Variants in ADAM32 observed in about 807,000 individuals in gnomAD.
ADAM32 encodes disintegrin and metalloproteinase domain-containing protein 32.
In ADAM32, 89 loss-of-function variants were observed where a neutral mutation model predicts 114.9. The observed-to-expected ratio is 0.77, with a 90% CI of 0.65 to 0.92. ADAM32 has a LOEUF of 0.92. ADAM32 is among the 40% of genes least tolerant of loss of function. The pLI is 0.00. For missense variants in ADAM32, 870 were observed against 932.8 expected (o/e 0.93, Z 0.88); for synonymous variants, 285 against 307.5 (o/e 0.93, Z 0.77).
At position 39,107,830 on chromosome 8, in the gene ADAM32, C is replaced by G; in HGVS notation, c.55C>G (p.Pro19Ala). 6.5e-7 allele frequency: 1 copy of G among 1,545,198 alleles called. No individual in the cohort carries two copies. The highest frequency in any genetic ancestry group is 8.7e-7 in the Non-Finnish European group (1 of 1,144,380). The part of the protein sequence containing the change: ...AGLCGLLASR[P>A]GFQNSLLQIV... ...GCTCTGCGGCCTCCTGGCGTCAAGA[C>G]CCGGTGAGCCAGCCCAGACCCTGAC... The change falls in exon 1 of 25, where the codon CCC (proline) becomes GCC (alanine). Residue 19 changes from proline (P) to alanine (A), a missense_variant. Pro to Ala is a conservative substitution (Grantham distance 27). Transcript: ENST00000379907.
rs75269426 is a variant in ADAM32, at chr8:39,194,423, C to T, written c.1052+7378C>T. Among the ~76,000 whole-genome samples the T allele has an allele frequency of 5.1e-3, 777 of 152,040 alleles. 1 individual carries two copies. Among genetic ancestry groups the T allele is most frequent in the Non-Finnish European group, 6.6e-3 (449 of 67,974 alleles). On this transcript the variant is annotated intron_variant, in intron 11 of 24. Coordinates refer to ENST00000379907, the MANE Select transcript of ADAM32 (RefSeq NM_145004.7). ...TTTTGGCAGGGTGCACCTGAACTGA[C>T]GGGGAAGGGGAGGCAAGGTTCTCCT...
chr8:39,128,717 T>C (rs1366267186), intron 2 of ADAM32, among the ~76,000 whole-genome samples: 1 of 152,168 alleles, frequency 6.6e-6, no homozygotes, highest in Non-Finnish European at 1.5e-5. Flanking sequence ...CTGGTGGTGA[T>C]GATTTCCCTC....
At chr8:39,146,679 G>A (rs1803526285) in intron 3 of ADAM32, among the ~76,000 whole-genome samples, 1 of 152,138 alleles carries the variant, frequency 6.6e-6, no homozygotes, top group African/African-American at 2.4e-5. Context: ...CCAAAGTGTT[G>A]GGATTACAGG....
intron 6 of ADAM32, among the ~76,000 whole-genome samples, chr8:39,154,044 A>ATATATATATG (rs1195797266): frequency 2.0e-5 from 3 of 149,116 alleles, no homozygotes; most frequent in African/African-American, 7.3e-5. Context: ...ATATATATAT[A>ATATATATATG]TATATGTAAT....
At chr8:39,192,986 A>G (rs118170519) in intron 11 of ADAM32, among the ~76,000 whole-genome samples, 5 of 152,138 alleles carry the variant, frequency 3.3e-5, no homozygotes, top group East Asian at 1.9e-4. Context: ...TGTGATGACT[A>G]TGTGTCTTGG....
chr8:39,221,254 G>A (rs1808939673), intron 12 of ADAM32: 1 of 165,606 alleles, frequency 6.0e-6, no homozygotes, highest in South Asian at 1.7e-4. Context: ...CCATGTGCAT[G>A]TAATATATTT....
At chr8:39,135,016 G>A (rs770320885) in intron 2 of ADAM32, among the ~76,000 whole-genome samples, 2 of 152,136 alleles carry the variant, frequency 1.3e-5, no homozygotes, top group African/African-American at 4.8e-5. Flanking sequence ...TTAGCCAGGC[G>A]TGGTGGCGCA....
intron 18 of ADAM32, among the ~76,000 whole-genome samples, chr8:39,256,642 G>C (rs1186809388): frequency 1.3e-5 from 2 of 152,004 alleles, no homozygotes; most frequent in Non-Finnish European, 2.9e-5. Flanking sequence ...GGAGTTTAGA[G>C]AATATGTTTA....
At chr8:39,150,129 C>G (rs1440495442) in intron 5 of ADAM32, among the ~76,000 whole-genome samples, 1 of 152,108 alleles carries the variant, frequency 6.6e-6, no homozygotes, top group Non-Finnish European at 1.5e-5. Context: ...ACAGAAAAGA[C>G]AATTGAACAT....
At chr8:39,196,797 C>CT (rs924935572) in intron 11 of ADAM32, among the ~76,000 whole-genome samples, 53 of 150,856 alleles carry the variant, frequency 3.5e-4, no homozygotes, top group Admixed American at 1.3e-3. Flanking sequence ...CTGTAGTTTT[C>CT]TTTTTTTTTG....
chr8:39,249,725 G>A (rs1434414314), intron 17 of ADAM32, among the ~76,000 whole-genome samples: 1 of 152,030 alleles, frequency 6.6e-6, no homozygotes, highest in Non-Finnish European at 1.5e-5. Context: ...TTCTTTTTAT[G>A]TAAATAACAT....
intron 10 of ADAM32, among the ~76,000 whole-genome samples, chr8:39,176,395 T>C (rs985865536): frequency 7.9e-5 from 12 of 152,226 alleles, no homozygotes; most frequent in Non-Finnish European, 1.5e-5. Flanking sequence ...CTCTTTGTTC[T>C]CATTAGTTTC....
At chr8:39,198,049 G>T (rs1004545681) in intron 11 of ADAM32, among the ~76,000 whole-genome samples, 4 of 151,766 alleles carry the variant, frequency 2.6e-5, no homozygotes, top group African/African-American at 9.7e-5. Context: ...TTGCTGACTT[G>T]TTCTCTTTAT....
chr8:39,190,174 C>T (rs1345459640), intron 11 of ADAM32, among the ~76,000 whole-genome samples: 1 of 152,194 alleles, frequency 6.6e-6, no homozygotes, highest in Non-Finnish European at 1.5e-5. Context: ...GCTTTTTTCA[C>T]TTAACATAAT....
intron 11 of ADAM32, among the ~76,000 whole-genome samples, chr8:39,194,895 G>C (rs1316933501): frequency 1.3e-5 from 2 of 152,172 alleles, no homozygotes; most frequent in Non-Finnish European, 2.9e-5. Context: ...GCTCTACACC[G>C]GTTGGAGTTC....
intron 5 of ADAM32, 64 bp downstream of exon 5, chr8:39,149,931 C>T: frequency 1.5e-6 from 2 of 1,376,252 alleles, no homozygotes; most frequent in Non-Finnish European, 2.0e-6. Flanking sequence ...TGAATTTGTT[C>T]TCTTTGTATT....
intron 2 of ADAM32, among the ~76,000 whole-genome samples, chr8:39,120,733 G>T (rs1471400502): frequency 7.1e-6 from 1 of 141,082 alleles, no homozygotes; most frequent in African/African-American, 2.6e-5. Context: ...CTGCACATTA[G>T]CCTGGGTGAC....
intron 22 of ADAM32, among the ~76,000 whole-genome samples, chr8:39,276,933 G>A (rs891793501): frequency 6.6e-6 from 1 of 151,986 alleles, no homozygotes; most frequent in Non-Finnish European, 1.5e-5. Flanking sequence ...CAGAGTGCTC[G>A]GCTCATATTA....
At position 39,158,868 on chromosome 8, in the gene ADAM32, T is replaced by A. The variant is rs571761765; in HGVS notation, c.526-2029T>A. On this transcript the variant is annotated intron_variant, in intron 6 of 24. Coordinates refer to ENST00000379907, the MANE Select transcript of ADAM32 (RefSeq NM_145004.7). ...ACTTTTTAGCTCCACAATTTCCTTT[T>A]TATAATTTCTATATTTTTATGGATA... Among the ~76,000 whole-genome samples the A allele has an allele frequency of 8.2e-4, 125 of 152,314 alleles. 1 individual carries two copies. Among genetic ancestry groups the A allele is most frequent in the Non-Finnish European group, 2.4e-4 (16 of 68,024 alleles).
Sources: gnomAD v4.1 joint callset for allele counts (sites outside exome capture counted in the v4.1 genomes callset) on GRCh38, gnomAD v4.1.1 for gene constraint, MANE v1.5 for transcripts, NCBI Gene and HGNC (gene_info 2026-07-23, HGNC 2026-07-21) for gene names.